The following DAAM1 variants were observed in gnomAD, a reference collection of about 807,000 sequenced individuals.
DAAM1 encodes dishevelled associated activator of morphogenesis 1.
DAAM1 carries 52 observed loss-of-function variants against 130.0 expected under a neutral mutation model. That is an observed-to-expected ratio of 0.40 (90% confidence interval 0.32 to 0.50). The LOEUF (loss-of-function observed/expected upper bound fraction) is 0.50, where lower values mean the gene tolerates loss of function less well. DAAM1 is among the 20% of genes least tolerant of loss of function. DAAM1 has a pLI of 0.61. For synonymous variants in DAAM1, 452 were observed against 444.5 expected (o/e 1.02, Z -0.21); for missense variants, 1,134 against 1,303.8 (o/e 0.87, Z 2.01).
Position 59,355,178 on chromosome 14 carries a change from C to T in DAAM1, c.2370C>T (p.Gly790=), listed in dbSNP as rs1265357502. ...TTTGTTTTGAAGCAATTCGTTCTGGCTCAGAAGAGGTGTTTAGGAGTGGTG... is the reference window on the plus strand; with the variant it reads ...TTTGTTTTGAAGCAATTCGTTCTGGTTCAGAAGAGGTGTTTAGGAGTGGTG... ...VKPKVEAIRS[G]SEEVFRSGAL... The change falls in exon 20 of 25, where the codon GGC becomes GGT. Residue 790 remains glycine (G), a synonymous_variant. Coordinates refer to ENST00000360909, the MANE Select transcript of DAAM1 (RefSeq NM_001270520.2). The T allele has an allele frequency of 1.2e-6, 2 of 1,611,552 alleles. No homozygotes were observed. Among genetic ancestry groups the T allele is most frequent in the Non-Finnish European group, 1.7e-6 (2 of 1,179,040 alleles).
At chr14:59,302,934 A>G (rs565765258) in intron 3 of DAAM1, among the ~76,000 whole-genome samples, 3 of 152,244 alleles carry the variant, frequency 2.0e-5, no homozygotes, top group South Asian at 4.1e-4. Flanking sequence ...GATTACAGGC[A>G]TGAGCCACCG....
chr14:59,314,818 C>T (rs984476878), intron 3 of DAAM1, among the ~76,000 whole-genome samples: 3 of 152,112 alleles, frequency 2.0e-5, no homozygotes, highest in African/African-American at 4.8e-5. Flanking sequence ...CAAATGAAAC[C>T]CTTCTTCAAG....
intron 2 of DAAM1, among the ~76,000 whole-genome samples, chr14:59,277,319 A>G (rs1475252490): frequency 1.3e-5 from 2 of 152,060 alleles, no homozygotes; most frequent in Non-Finnish European, 2.9e-5. Flanking sequence ...AGGTTTCTCT[A>G]CAGAACTGCC....
chr14:59,205,177 C>G (rs937344244), intron 1 of DAAM1, among the ~76,000 whole-genome samples: 2 of 152,104 alleles, frequency 1.3e-5, no homozygotes, highest in Admixed American at 6.6e-5. Context: ...TACTCTAGTT[C>G]CTGTAAATTT....
chr14:59,203,774 T>G (rs181867499), intron 1 of DAAM1, among the ~76,000 whole-genome samples: 1 of 152,362 alleles, frequency 6.6e-6, no homozygotes, highest in African/African-American at 2.4e-5. Context: ...GGTGATGCCT[T>G]TGGCTTGGTC....
At chr14:59,209,655 G>A (rs139204348) in intron 1 of DAAM1, among the ~76,000 whole-genome samples, 1 of 152,284 alleles carries the variant, frequency 6.6e-6, no homozygotes, top group Non-Finnish European at 1.5e-5. Flanking sequence ...GGTAATGTAA[G>A]TGTTTTTGAG....
chr14:59,222,195 C>T (rs2139429042), intron 1 of DAAM1, among the ~76,000 whole-genome samples: 1 of 152,270 alleles, frequency 6.6e-6, no homozygotes, highest in African/African-American at 2.4e-5. Flanking sequence ...TGAGTTCGGG[C>T]CCCTTTCCTC....
At chr14:59,220,223 C>T (rs1218388809) in intron 1 of DAAM1, among the ~76,000 whole-genome samples, 1 of 152,068 alleles carries the variant, frequency 6.6e-6, no homozygotes, top group East Asian at 1.9e-4. Context: ...CGGCTCTATT[C>T]TCAGGTGTAA....
intron 3 of DAAM1, among the ~76,000 whole-genome samples, chr14:59,294,324 T>G (rs1480251310): frequency 6.6e-6 from 1 of 152,252 alleles, no homozygotes; most frequent in Non-Finnish European, 1.5e-5. Flanking sequence ...AGTGTTCATT[T>G]ATGAAACTTC....
chr14:59,329,811 C>A (rs976995150), intron 12 of DAAM1, among the ~76,000 whole-genome samples: 7 of 152,196 alleles, frequency 4.6e-5, no homozygotes, highest in African/African-American at 1.7e-4. Context: ...ATATTTTTCT[C>A]CCCTGTGTTA....
At chr14:59,232,383 C>T (rs1389989736) in intron 1 of DAAM1, among the ~76,000 whole-genome samples, 1 of 152,128 alleles carries the variant, frequency 6.6e-6, no homozygotes, top group Non-Finnish European at 1.5e-5. Flanking sequence ...CTTTGACTTC[C>T]TTTATTCTTG....
At position 59,352,632 on chromosome 14, in the gene DAAM1, G is replaced by T. The variant is rs570743437; in HGVS notation, c.2267G>T (p.Arg756Leu). Residue 756 changes from arginine (R) to leucine (L), a missense_variant and splice_region_variant, in exon 18 of 25, where the codon CGA becomes CTA. Physicochemically the swap from Arg to Leu is moderately radical, Grantham distance 102. This residue lies in a region of DAAM1 where 644 missense variants were observed against 695.9 expected (regional missense o/e 0.93). Coordinates refer to ENST00000360909, the MANE Select transcript of DAAM1 (RefSeq NM_001270520.2). ...GATAGGTTCCTTTTTGAGATGAGCCGGTGAGTTTGAAAATGCTGGGAATGT... is the reference window on the plus strand; with the variant it reads ...GATAGGTTCCTTTTTGAGATGAGCCTGTGAGTTTGAAAATGCTGGGAATGT... ...KADRFLFEMS[R>L]INHYQQRLQS... 1 of 1,610,266 alleles carries T rather than the reference G, an allele frequency of 6.2e-7. No individual in the cohort carries two copies. The highest frequency in any genetic ancestry group is 1.7e-5 in the Admixed American group (1 of 59,546).
chr14:59,271,028 A>G (rs115828003), intron 2 of DAAM1, among the ~76,000 whole-genome samples: 133 of 152,306 alleles, frequency 8.7e-4, no homozygotes, highest in African/African-American at 2.9e-3. Context: ...ACACTACATC[A>G]CTGAATTTAT....
intron 2 of DAAM1, among the ~76,000 whole-genome samples, chr14:59,288,059 G>A (rs1394534250): frequency 6.6e-6 from 1 of 152,018 alleles, no homozygotes; most frequent in Non-Finnish European, 1.5e-5. Context: ...TCATGGTACT[G>A]GTATAAAAAC....
intron 1 of DAAM1, among the ~76,000 whole-genome samples, chr14:59,241,130 C>T (rs963135007): frequency 7.2e-4 from 110 of 152,188 alleles, no homozygotes; most frequent in African/African-American, 2.4e-3. Context: ...GTACTGCAGG[C>T]GGAATGAGAA....
At chr14:59,286,033 C>A (rs1230524077) in intron 2 of DAAM1, among the ~76,000 whole-genome samples, 1 of 152,074 alleles carries the variant, frequency 6.6e-6, no homozygotes. Context: ...TAAAACAAAT[C>A]TCAGCAAATT....
chr14:59,191,253 G>A (rs771257825), intron 1 of DAAM1, among the ~76,000 whole-genome samples: 1 of 152,004 alleles, frequency 6.6e-6, no homozygotes, highest in Non-Finnish European at 1.5e-5. Flanking sequence ...ATCCCCATGA[G>A]GAAACAGGAT....
chr14:59,365,387 A>T (rs1285338823), intron 23 of DAAM1, among the ~76,000 whole-genome samples: 1 of 152,188 alleles, frequency 6.6e-6, no homozygotes, highest in Non-Finnish European at 1.5e-5. Context: ...ATAAGTTAGC[A>T]TATAAAACCA....
At chr14:59,314,526 C>G (rs1473303382) in intron 3 of DAAM1, among the ~76,000 whole-genome samples, 1 of 150,868 alleles carries the variant, frequency 6.6e-6, no homozygotes, top group Non-Finnish European at 1.5e-5. Flanking sequence ...GCACAGATCT[C>G]CCATCCACAG....
Sources: gnomAD v4.1 joint callset for allele counts (sites outside exome capture counted in the v4.1 genomes callset) on GRCh38, gnomAD v4.1.1 for gene constraint, gnomAD v4.1.1 regional missense constraint, MANE v1.5 for transcripts, NCBI Gene and HGNC (gene_info 2026-07-23, HGNC 2026-07-21) for gene names.